Variants in XKR6 observed in about 807,000 individuals in gnomAD.
XKR6 encodes the protein XK-related protein 6.
Under a neutral mutation model 56.7 loss-of-function variants are expected in XKR6, and 22 were observed. That is an observed-to-expected ratio of 0.39 (90% CI 0.28 to 0.55). XKR6 has a LOEUF of 0.55. Ranked by LOEUF, XKR6 falls within the 20% of genes least tolerant of loss-of-function variation. XKR6 has a pLI of 0.66. For missense variants in XKR6, 852 were observed against 889.0 expected (o/e 0.96, Z 0.53); for synonymous variants, 524 against 387.8 (o/e 1.35, Z -4.13).
In XKR6 at chr8:10,919,094, T is replaced by A. The variant is rs961524365; in HGVS notation, c.961+5540A>T. 4.6e-5 allele frequency among the ~76,000 whole-genome samples: 7 copies of A among 152,178 alleles called. 1 individual carries two copies. Among genetic ancestry groups the A allele is most frequent in the African/African-American group, 1.7e-4 (7 of 41,448 alleles). On this transcript the variant is annotated intron_variant, in intron 2 of 2. Transcript: ENST00000416569. ...CTGGGGTCCCCTATGCTTTTCCCAA[T>A]TGGGGCCCTGCCTTTCTCTCCATCC...
chr8:11,009,863 G>C (rs373539431), intron 1 of XKR6, among the ~76,000 whole-genome samples: 24 of 152,230 alleles, frequency 1.6e-4, no homozygotes, highest in African/African-American at 5.8e-4. Flanking sequence ...AGTATTAAGA[G>C]TGGAAATGGT....
At chr8:11,100,156 G>A (rs113354647) in intron 1 of XKR6, among the ~76,000 whole-genome samples, 7 of 152,190 alleles carry the variant, frequency 4.6e-5, no homozygotes, top group African/African-American at 1.4e-4. Flanking sequence ...AGACTCAGGC[G>A]ATCCTTCCAC....
intron 1 of XKR6, among the ~76,000 whole-genome samples, chr8:11,061,789 G>A (rs923451593): frequency 5.3e-5 from 8 of 152,192 alleles, no homozygotes; most frequent in African/African-American, 1.9e-4. Flanking sequence ...GAAGAAGGAA[G>A]GGGGCTGGGC....
chr8:10,963,224 C>T (rs545165462), intron 1 of XKR6, among the ~76,000 whole-genome samples: 2 of 152,348 alleles, frequency 1.3e-5, no homozygotes, highest in African/African-American at 2.4e-5. Context: ...GCAGCCACAC[C>T]GGCAGCTGTC....
At chr8:11,149,680 G>C (rs888939958) in intron 1 of XKR6, among the ~76,000 whole-genome samples, 52 of 150,354 alleles carry the variant, frequency 3.5e-4, no homozygotes, top group African/African-American at 1.2e-3. Flanking sequence ...ACAGAAAACA[G>C]TATGAAGATT....
chr8:11,191,768 C>G (rs138114151), intron 1 of XKR6, among the ~76,000 whole-genome samples: 1 of 150,816 alleles, frequency 6.6e-6, no homozygotes, highest in Admixed American at 6.6e-5. Flanking sequence ...AAATTTTTAT[C>G]AAGTCCCTGA....
At chr8:11,100,129 G>A (rs911937554) in intron 1 of XKR6, among the ~76,000 whole-genome samples, 21 of 152,240 alleles carry the variant, frequency 1.4e-4, no homozygotes, top group African/African-American at 4.6e-4. Flanking sequence ...TCAGCTCACT[G>A]CAGTCTCGAC....
chr8:11,083,589 G>T (rs1797796838), intron 1 of XKR6, among the ~76,000 whole-genome samples: 1 of 152,192 alleles, frequency 6.6e-6, no homozygotes, highest in Non-Finnish European at 1.5e-5. Flanking sequence ...CCCCTTGGGG[G>T]GCCTGGGGAT....
chr8:10,957,406 C>T (rs1801922896), intron 1 of XKR6, among the ~76,000 whole-genome samples: 4 of 152,200 alleles, frequency 2.6e-5, no homozygotes, highest in Admixed American at 1.3e-4. Context: ...TCCCTTCCTT[C>T]AGGCCCTTCT....
chr8:10,970,714 A>C (rs775577527), intron 1 of XKR6, among the ~76,000 whole-genome samples: 3 of 152,080 alleles, frequency 2.0e-5, no homozygotes, highest in African/African-American at 7.2e-5. Context: ...ACATAGACTA[A>C]ATTATTTTAA....
chr8:11,124,235 T>C (rs1799638251), intron 1 of XKR6: 1 of 347,036 alleles, frequency 2.9e-6, no homozygotes, highest in African/African-American at 2.1e-5. Context: ...ATATTCATCT[T>C]ACCAAAGAGG....
chr8:11,143,208 GA>G (rs1413046897), intron 1 of XKR6, among the ~76,000 whole-genome samples: 1 of 152,124 alleles, frequency 6.6e-6, no homozygotes, highest in African/African-American at 2.4e-5. Context: ...AAGAAAGAGT[GA>G]AAACCAGACG....
At chr8:11,081,811 G>C (rs1403502973) in intron 1 of XKR6, among the ~76,000 whole-genome samples, 1 of 152,216 alleles carries the variant, frequency 6.6e-6, no homozygotes, top group African/African-American at 2.4e-5. Context: ...TTAGGAATCA[G>C]TGGAATTTCC....
At chr8:10,915,049 T>A (rs1044811232) in intron 2 of XKR6, among the ~76,000 whole-genome samples, 4 of 152,248 alleles carry the variant, frequency 2.6e-5, no homozygotes, top group Admixed American at 1.3e-4. Flanking sequence ...GAGAGCTGCA[T>A]AATAGCTATT....
At chr8:11,090,769 T>A (rs954510568) in intron 1 of XKR6, among the ~76,000 whole-genome samples, 1 of 136,948 alleles carries the variant, frequency 7.3e-6, no homozygotes, top group Non-Finnish European at 1.6e-5. Context: ...TCTTTATAAA[T>A]TCTGAACACC....
chr8:10,989,591 A>G (rs1797941655), intron 1 of XKR6, among the ~76,000 whole-genome samples: 1 of 147,958 alleles, frequency 6.8e-6, no homozygotes, highest in Non-Finnish European at 1.5e-5. Flanking sequence ...ACTGATGAAC[A>G]GGTAACATTC....
chr8:11,168,158 A>T (rs954739264), intron 1 of XKR6, among the ~76,000 whole-genome samples: 4 of 152,220 alleles, frequency 2.6e-5, no homozygotes, highest in African/African-American at 7.2e-5. Flanking sequence ...ATCCTAAGGC[A>T]TATAAGGAAA....
chr8:11,038,692 G>A (rs745605560), intron 1 of XKR6, among the ~76,000 whole-genome samples: 8 of 151,922 alleles, frequency 5.3e-5, no homozygotes, highest in African/African-American at 9.7e-5. Flanking sequence ...TCACCACCAC[G>A]CCTGGCTAAT....
chr8:11,032,878 TG>T (rs1217619432), intron 1 of XKR6, among the ~76,000 whole-genome samples: 1 of 152,162 alleles, frequency 6.6e-6, no homozygotes, highest in Non-Finnish European at 1.5e-5. Flanking sequence ...GGAGCAGTAG[TG>T]GCTTTGCTGG....
Sources: gnomAD v4.1 joint callset for allele counts (sites outside exome capture counted in the v4.1 genomes callset) on GRCh38, gnomAD v4.1.1 for gene constraint, MANE v1.5 for transcripts, NCBI Gene and HGNC (gene_info 2026-07-23, HGNC 2026-07-21) for gene names.